Variants in CCDC178 observed in about 807,000 individuals in gnomAD.
CCDC178 encodes the protein coiled-coil domain-containing protein 178.
A neutral mutation model predicts 117.4 loss-of-function variants in CCDC178; 126 were observed. That is an observed-to-expected ratio of 1.07 (90% CI 0.93 to 1.24). The LOEUF (loss-of-function observed/expected upper bound fraction) is 1.24, where lower values mean the gene tolerates loss of function less well. CCDC178 is among the 50% of genes most tolerant of loss of function. The pLI is 0.00. For synonymous variants in CCDC178, 283 were observed against 313.4 expected, an observed-to-expected ratio of 0.90 and a Z score of 1.02; for missense variants, 1,030 against 986.9, an observed-to-expected ratio of 1.04 and a Z score of -0.59.
rs34381043 is a variant in CCDC178 at position 33,010,534 on chromosome 18, A to G, written c.2389-35853T>C. 2.9e-3 allele frequency among the ~76,000 whole-genome samples: 442 copies of G among 152,312 alleles called. 1 individual carries two copies. Among genetic ancestry groups the G allele is most frequent in the Admixed American group, 5.4e-3 (83 of 15,300 alleles). ...AAATATTAATGTTTAAAAGTCCAGA[A>G]AACACATCTCAGTCTAGCTGCCTTA... is the stretch of plus-strand genomic sequence containing the variant. On this transcript the variant is annotated intron_variant, in intron 21 of 22. Coordinates refer to ENST00000383096, the MANE Select transcript of CCDC178 (RefSeq NM_001105528.4).
chr18:33,210,995 T>C (rs955282103), intron 20 of CCDC178, among the ~76,000 whole-genome samples: 1 of 152,058 alleles, frequency 6.6e-6, no homozygotes, highest in Non-Finnish European at 1.5e-5. Context: ...TTGTTCCAAA[T>C]AGTCTTTAAA....
At chr18:33,396,945 A>C (rs1289291045) in intron 4 of CCDC178, among the ~76,000 whole-genome samples, 1 of 152,192 alleles carries the variant, frequency 6.6e-6, no homozygotes, top group African/African-American at 2.4e-5. Context: ...GAAAAAGGAA[A>C]CACAGGAAAT....
chr18:33,308,603 G>T (rs553594029), intron 11 of CCDC178, among the ~76,000 whole-genome samples: 1 of 152,242 alleles, frequency 6.6e-6, no homozygotes, highest in Non-Finnish European at 1.5e-5. Flanking sequence ...GAGGGGCCAG[G>T]GGTGGAATGA....
At chr18:33,221,609 T>C (rs951223770) in intron 18 of CCDC178, among the ~76,000 whole-genome samples, 19 of 152,094 alleles carry the variant, frequency 1.2e-4, no homozygotes, top group Non-Finnish European at 1.5e-5. Flanking sequence ...TATTTTAAAA[T>C]TATTTTTTGG....
intron 21 of CCDC178, among the ~76,000 whole-genome samples, chr18:32,981,423 T>G (rs191831587): frequency 6.6e-6 from 1 of 152,172 alleles, no homozygotes; most frequent in African/African-American, 2.4e-5. Context: ...AAAACAAATA[T>G]AGAAAATGTC....
At chr18:33,109,055 A>T (rs1157891251) in intron 20 of CCDC178, among the ~76,000 whole-genome samples, 1 of 151,632 alleles carries the variant, frequency 6.6e-6, no homozygotes, top group African/African-American at 2.4e-5. Context: ...ATTAAAGCAT[A>T]ACTGGGTCCA....
chr18:32,973,154 T>C (rs1420208709), intron 22 of CCDC178, among the ~76,000 whole-genome samples: 3 of 152,144 alleles, frequency 2.0e-5, no homozygotes, highest in Non-Finnish European at 2.9e-5. Flanking sequence ...TATTGAAAGG[T>C]ATGAATTAGA....
chr18:33,393,171 T>C (rs1446210308), intron 4 of CCDC178, among the ~76,000 whole-genome samples: 1 of 152,110 alleles, frequency 6.6e-6, no homozygotes, highest in African/African-American at 2.4e-5. Flanking sequence ...TTCCAGATCC[T>C]TTATACCTAT....
In CCDC178 at chr18:33,415,817, TA is replaced by T. The variant is rs913985534; in HGVS notation, c.-22-3708del. Among the ~76,000 whole-genome samples, 9 of 151,866 alleles carry T rather than the reference TA, an allele frequency of 5.9e-5. No individual in the cohort carries two copies. In the East Asian group the frequency reaches 7.8e-4, roughly 13 times the overall value. On this transcript the variant is annotated intron_variant, in intron 2 of 22. Coordinates refer to ENST00000383096, the MANE Select transcript of CCDC178 (RefSeq NM_001105528.4). ...TCCTTATTCCTTCCTGTAAGTACAA[TA>T]AAAAAAACTCTGGGTGCATTATATG... is the stretch of plus-strand genomic sequence containing the variant.
chr18:33,244,867 C>A (rs2059529017), intron 15 of CCDC178, among the ~76,000 whole-genome samples: 1 of 152,014 alleles, frequency 6.6e-6, no homozygotes, highest in African/African-American at 2.4e-5. Flanking sequence ...ACTAGAGGTA[C>A]TTTCTATTCT....
chr18:33,207,484 G>A (rs941567931), intron 20 of CCDC178, among the ~76,000 whole-genome samples: 1 of 151,026 alleles, frequency 6.6e-6, no homozygotes, highest in Non-Finnish European at 1.5e-5. Context: ...CATTGCAAAA[G>A]TGATAATATG....
At chr18:33,108,533 T>C (rs1289882167) in intron 20 of CCDC178, among the ~76,000 whole-genome samples, 1 of 151,626 alleles carries the variant, frequency 6.6e-6, no homozygotes, top group East Asian at 1.9e-4. Context: ...GATTTGTTTG[T>C]GTCAACTATA....
intron 21 of CCDC178, among the ~76,000 whole-genome samples, chr18:32,993,283 A>G (rs1288873807): frequency 6.6e-6 from 1 of 152,254 alleles, no homozygotes; most frequent in African/African-American, 2.4e-5. Context: ...AAACAGGGAC[A>G]GGGTGGAAGC....
chr18:33,278,232 TA>T, intron 12 of CCDC178, among the ~76,000 whole-genome samples: 1 of 78 alleles, frequency 0.013, no homozygotes, highest in Non-Finnish European at 0.071. Context: ...AATACATACA[TA>T]TATATATATA....
intron 17 of CCDC178, among the ~76,000 whole-genome samples, chr18:33,223,554 G>C (rs994456400): frequency 6.6e-6 from 1 of 151,952 alleles, no homozygotes; most frequent in Non-Finnish European, 1.5e-5. Flanking sequence ...CTACCAAAAA[G>C]TATGTAAAAA....
intron 20 of CCDC178, among the ~76,000 whole-genome samples, chr18:33,187,366 TTTTGCAA>T (rs1417351785): frequency 7.9e-5 from 12 of 152,052 alleles, no homozygotes; most frequent in Admixed American, 7.9e-4. Flanking sequence ...TGTAGCCTCT[TTTTGCAA>T]TAGATGCAAC....
intron 2 of CCDC178, among the ~76,000 whole-genome samples, chr18:33,437,140 T>C (rs1217375281): frequency 6.6e-6 from 1 of 152,206 alleles, no homozygotes; most frequent in East Asian, 1.9e-4. Context: ...GCTTAGCTTT[T>C]TCAGCCTCTC....
At chr18:33,008,613 T>A (rs2055797847) in intron 21 of CCDC178, among the ~76,000 whole-genome samples, 2 of 152,040 alleles carry the variant, frequency 1.3e-5, no homozygotes. Flanking sequence ...TTTTTCTGCT[T>A]ATGTTTATAT....
intron 21 of CCDC178, among the ~76,000 whole-genome samples, chr18:33,031,814 A>G (rs1464408427): frequency 6.6e-6 from 1 of 152,120 alleles, no homozygotes; most frequent in Non-Finnish European, 1.5e-5. Flanking sequence ...GATAGCCCCA[A>G]TCTGAATAAA....
Sources: gnomAD v4.1 joint callset for allele counts (sites outside exome capture counted in the v4.1 genomes callset) on GRCh38, gnomAD v4.1.1 for gene constraint, MANE v1.5 for transcripts, NCBI Gene and HGNC (gene_info 2026-07-23, HGNC 2026-07-21) for gene names.